The following LRRK1 variants were observed in gnomAD, a reference collection of about 807,000 sequenced individuals.
LRRK1 encodes leucine-rich repeat serine/threonine-protein kinase 1.
LRRK1 carries 113 observed loss-of-function variants against 209.1 expected under a neutral mutation model. That is an observed-to-expected ratio of 0.54 (90% CI 0.46 to 0.63). LRRK1 has a LOEUF of 0.63. Among genes scored for constraint, LRRK1 ranks in the 30% least tolerant of loss-of-function variants. The probability of loss-of-function intolerance (pLI) is 0.00; values close to 1 mark genes in which losing one functional copy is unlikely to be tolerated. For synonymous variants in LRRK1, 1,144 were observed against 1,099.7 expected, an observed-to-expected ratio of 1.04 and a Z score of -0.80; for missense variants, 2,284 against 2,632.2, an observed-to-expected ratio of 0.87 and a Z score of 2.89.
intron 28 of LRRK1, among the ~76,000 whole-genome samples, chr15:101,057,611 G>C (rs1372237556): frequency 6.6e-6 from 1 of 152,230 alleles, no homozygotes; most frequent in Non-Finnish European, 1.5e-5. Flanking sequence ...CCACTGGGGA[G>C]GCTGAGGCAG....
At chr15:100,976,533 G>C (rs930537515) in intron 3 of LRRK1, among the ~76,000 whole-genome samples, 2 of 152,184 alleles carry the variant, frequency 1.3e-5, no homozygotes, top group Non-Finnish European at 2.9e-5. Flanking sequence ...AAATCAGAAG[G>C]AAGGCTATGG....
chr15:101,057,150 T>C, intron 28 of LRRK1, 100 bp downstream of exon 28: 1 of 973,336 alleles, frequency 1.0e-6, no homozygotes, highest in South Asian at 1.7e-5. Flanking sequence ...CCATCACCAT[T>C]GGCAACCCTT....
chr15:101,029,256 A>C, intron 20 of LRRK1, 24 bp downstream of exon 20: 1 of 1,585,146 alleles, frequency 6.3e-7, no homozygotes, highest in Non-Finnish European at 8.6e-7. Flanking sequence ...TTAACACGCC[A>C]GGCTGTGCAG....
intron 2 of LRRK1, among the ~76,000 whole-genome samples, chr15:100,956,022 T>C (rs931717221): frequency 3.3e-5 from 5 of 152,218 alleles, no homozygotes; most frequent in African/African-American, 1.2e-4. Flanking sequence ...CGAAAGTCTT[T>C]ATTGTCTTCA....
intron 12 of LRRK1, 72 bp from the exon 13 acceptor site, chr15:101,020,981 C>A (rs1354071823): frequency 6.3e-7 from 1 of 1,579,128 alleles, no homozygotes; most frequent in Non-Finnish European, 8.7e-7. Context: ...AGTTTATACG[C>A]CCACCTGGTC....
At chr15:100,941,833 C>T (rs2042443203) in intron 2 of LRRK1, among the ~76,000 whole-genome samples, 1 of 152,086 alleles carries the variant, frequency 6.6e-6, no homozygotes, top group Admixed American at 6.6e-5. Flanking sequence ...CCCATCAGTC[C>T]CAGGCTGCCT....
intron 12 of LRRK1, among the ~76,000 whole-genome samples, chr15:101,020,369 C>CTTTT (rs1258764876): frequency 6.1e-5 from 6 of 98,466 alleles, no homozygotes; most frequent in Admixed American, 1.1e-4. Context: ...CGGTTCTGAA[C>CTTTT]TTTTTTTTTT....
chr15:101,061,840 C>T (rs745658472), intron 30 of LRRK1, among the ~76,000 whole-genome samples: 6 of 152,178 alleles, frequency 3.9e-5, no homozygotes, highest in Non-Finnish European at 8.8e-5. Flanking sequence ...GAAACCCCGT[C>T]TCTACTAAAA....
At chr15:100,931,544 C>T (rs1223657399) in intron 2 of LRRK1, among the ~76,000 whole-genome samples, 1 of 152,216 alleles carries the variant, frequency 6.6e-6, no homozygotes, top group Non-Finnish European at 1.5e-5. Flanking sequence ...GGACTTGACA[C>T]AGCCGTGTGA....
At position 101,068,874 on chromosome 15, in the gene LRRK1, C is replaced by G. The variant is rs1596367591; in HGVS notation, c.*26C>G. 6.4e-7 allele frequency: 1 copy of G among 1,565,052 alleles called. No individual in the cohort carries two copies. Among genetic ancestry groups the G allele is most frequent in the Non-Finnish European group, 8.7e-7 (1 of 1,152,966 alleles). On this transcript the variant is annotated 3_prime_UTR_variant, in exon 34 of 34. Transcript: ENST00000388948. ...TTCCTGTGGAATGACTGTCACACATCAGAGCTGGCTGGCCCGGGGCTGCAG... is the reference window on the plus strand; with the variant it reads ...TTCCTGTGGAATGACTGTCACACATGAGAGCTGGCTGGCCCGGGGCTGCAG...
rs767685227 is a variant in LRRK1, at chr15:101,029,160, C to T, written c.2891C>T (p.Thr964Met). 20 of 1,614,022 alleles carry T rather than the reference C, an allele frequency of 1.2e-5. No homozygotes were observed. The highest frequency in any genetic ancestry group is 5.0e-5 in the Admixed American group (3 of 60,006). Residue 964 changes from threonine (T) to methionine (M), a missense_variant, in exon 20 of 34, where the codon ACG (threonine) becomes ATG (methionine). By Grantham distance (81) the Thr-to-Met change is moderately conservative. This residue lies in a region of LRRK1 where 780 missense variants were observed against 985.2 expected (regional missense o/e 0.79). Transcript: ENST00000388948. ...LRMLLVGTGFTQQTEEQYFQF... is the reference protein window; with the variant it reads ...LRMLLVGTGFMQQTEEQYFQF... ...ATGCTGCTGGTGGGGACTGGCTTCA[C>T]GCAGCAGACGGAAGAGCAGTACTTC...
At chr15:100,964,810 G>A (rs1487325713) in intron 2 of LRRK1, among the ~76,000 whole-genome samples, 4 of 14,066 alleles carry the variant, frequency 2.8e-4, no homozygotes, top group South Asian at 2.8e-3. Context: ...ACACGCATGC[G>A]CGCACACACA....
chr15:101,053,822 T>C (rs2035629822), intron 26 of LRRK1, among the ~76,000 whole-genome samples: 1 of 152,140 alleles, frequency 6.6e-6, no homozygotes, highest in Non-Finnish European at 1.5e-5. Context: ...TGGGACCATA[T>C]TTTAACATAA....
chr15:101,026,072 A>G lies in LRRK1; in HGVS notation c.2340A>G (p.Ala780=). 6.2e-7 allele frequency: 1 copy of G among 1,614,194 alleles called. No individual in the cohort carries two copies. The highest frequency in any genetic ancestry group is 2.2e-5 in the East Asian group (1 of 44,882). Residue 780 remains alanine (A), a synonymous_variant, in exon 17 of 34, where the codon GCA becomes GCG. Transcript: ENST00000388948. ...CAACGCTGCGTGCCTATGTGCTGGC[A>G]CTCTGCCGCTCCCCCTCCGGCTCCA... The part of the protein sequence containing the change: ...RIATLRAYVL[A]LCRSPSGSRA...
chr15:100,924,127 C>G (rs75046308), intron 1 of LRRK1, among the ~76,000 whole-genome samples: 2,327 of 152,344 alleles, frequency 0.015, 59 homozygotes, highest in African/African-American at 0.051. Context: ...CTGCCCTACC[C>G]CCACTGGAGT....
At chr15:100,922,586 G>C (rs1215585525) in intron 1 of LRRK1, among the ~76,000 whole-genome samples, 1 of 152,192 alleles carries the variant, frequency 6.6e-6, no homozygotes, top group Non-Finnish European at 1.5e-5. Context: ...TGGCAACTGT[G>C]CTTCTCAGTT....
At position 101,077,490 on chromosome 15, in the gene LRRK1, A is replaced by C. The variant is rs142100169; in HGVS notation, c.*8642A>C. 3.1e-3 allele frequency: 467 copies of C among 152,274 alleles called. 3 individuals are homozygous for C. The highest frequency in any genetic ancestry group is 0.011 in the African/African-American group (446 of 41,536). 9.4% of individuals were successfully genotyped at this position (152,274 alleles called of 1,614,324 possible). On this transcript the variant is annotated 3_prime_UTR_variant, in exon 34 of 34. Coordinates refer to ENST00000388948, the MANE Select transcript of LRRK1 (RefSeq NM_024652.6). ...GAACCTCCTTTGGCACTCTCTAATC[A>C]GATGTCCTGAGTCATCTCAATTCTT...
chr15:101,039,907 A>G (rs990694521), intron 20 of LRRK1, among the ~76,000 whole-genome samples: 2 of 152,192 alleles, frequency 1.3e-5, no homozygotes, highest in Non-Finnish European at 2.9e-5. Context: ...CCAACTTTGT[A>G]TTCCCAAGAT....
At chr15:100,921,997 C>T (rs115327219) in intron 1 of LRRK1, among the ~76,000 whole-genome samples, 4,400 of 152,264 alleles carry the variant, frequency 0.029, 203 homozygotes, top group African/African-American at 0.1. Flanking sequence ...GGATTACAAG[C>T]GTGAACCACC....
Sources: gnomAD v4.1 joint callset for allele counts (sites outside exome capture counted in the v4.1 genomes callset) on GRCh38, gnomAD v4.1.1 for gene constraint, gnomAD v4.1.1 regional missense constraint, MANE v1.5 for transcripts, NCBI Gene and HGNC (gene_info 2026-07-23, HGNC 2026-07-21) for gene names.